Variants in FRY observed in about 807,000 individuals in gnomAD.
The protein encoded by FRY is protein furry homolog.
FRY carries 128 observed loss-of-function variants against 348.4 expected under a neutral mutation model. The observed-to-expected ratio is 0.37, with a 90% CI of 0.32 to 0.43. The LOEUF is 0.43. Ranked by LOEUF, FRY falls within the 20% of genes least tolerant of loss-of-function variation. The pLI is 1.00. For missense variants in FRY, 2,736 were observed against 3,695.2 expected (o/e 0.74, Z 6.73); for synonymous variants, 1,370 against 1,374.7 (o/e 1.00, Z 0.08).
rs146553180 is a variant in FRY at position 32,190,406 on chromosome 13, G to A, written c.3591+2750G>A. On this transcript the variant is annotated intron_variant, in intron 28 of 60. Transcript: ENST00000542859. ...CACAGGTGACACAATTGTGTGTGTA[G>A]GAAATTCCAACAAGTCTTTAGATAA... Among the ~76,000 whole-genome samples the A allele has an allele frequency of 4.6e-3, 695 of 152,094 alleles. 2 individuals carry two copies. Among genetic ancestry groups the A allele is most frequent in the Middle Eastern group, 0.01 (3 of 294 alleles).
chr13:32,290,627 C>T (rs1469595219), intron 59 of FRY, among the ~76,000 whole-genome samples: 1 of 152,108 alleles, frequency 6.6e-6, no homozygotes, highest in African/African-American at 2.4e-5. Context: ...AGGAGTATTT[C>T]AGGTAGATCT....
intron 49 of FRY, 134 bp downstream of exon 49, chr13:32,249,821 T>A: frequency 1.3e-6 from 1 of 757,064 alleles, no homozygotes; most frequent in East Asian, 2.7e-5. Context: ...AGGGATGGGG[T>A]CTTGTGGCAT....
At chr13:32,265,645 G>C in intron 54 of FRY, 29 bp downstream of exon 54, 21 of 1,603,020 alleles carry the variant, frequency 1.3e-5, no homozygotes, top group Non-Finnish European at 1.8e-5. Flanking sequence ...GATGTGAGTG[G>C]TGTGAATGTG....
chr13:32,065,804 G>C (rs1460278069), intron 1 of FRY, among the ~76,000 whole-genome samples: 1 of 151,776 alleles, frequency 6.6e-6, no homozygotes, highest in Non-Finnish European at 1.5e-5. Flanking sequence ...GGGTCTCACT[G>C]TGTTGCCCAG....
intron 16 of FRY, among the ~76,000 whole-genome samples, chr13:32,160,256 T>A (rs541441026): frequency 6.6e-6 from 1 of 152,332 alleles, no homozygotes; most frequent in South Asian, 2.1e-4. Context: ...CTTGTGTCCT[T>A]GGATCACATT....
intron 3 of FRY, among the ~76,000 whole-genome samples, chr13:32,113,857 T>A (rs1184642371): frequency 6.6e-6 from 1 of 152,288 alleles, no homozygotes; most frequent in South Asian, 2.1e-4. Flanking sequence ...AACAGAAAGA[T>A]GGAAAAACAC....
At position 32,131,949 on chromosome 13, in the gene FRY, C is replaced by A. The variant is rs867766425; in HGVS notation, c.885+109C>A. 15 of 849,168 alleles carry A rather than the reference C, an allele frequency of 1.8e-5. No individual in the cohort carries two copies. In the East Asian group the frequency reaches 3.6e-4, roughly 21 times the overall value. 52.6% of individuals were successfully genotyped at this position (849,168 alleles called of 1,614,324 possible). A position where few individuals can be genotyped will look rare whatever the true frequency, so the allele number is the denominator to read the frequency against. ...CCAATTACTTGTCAATACGGAGAAACATTCTACTGTCTAAATAATTCATGA... is the reference window on the plus strand; with the variant it reads ...CCAATTACTTGTCAATACGGAGAAAAATTCTACTGTCTAAATAATTCATGA... On this transcript the variant is annotated intron_variant, in intron 8 of 60. Coordinates refer to ENST00000542859, the MANE Select transcript of FRY (RefSeq NM_023037.3).
chr13:32,120,286 C>G (rs1194148715), intron 4 of FRY, among the ~76,000 whole-genome samples: 3 of 151,970 alleles, frequency 2.0e-5, no homozygotes, highest in Admixed American at 6.6e-5. Context: ...CCAGACTGTT[C>G]CACACCAGAG....
At chr13:32,046,770 T>C (rs1873035665) in intron 1 of FRY, among the ~76,000 whole-genome samples, 1 of 152,362 alleles carries the variant, frequency 6.6e-6, no homozygotes, top group South Asian at 2.1e-4. Context: ...GAAGCCATGA[T>C]GTTTTACTTT....
At chr13:32,173,820 T>C (rs188005419) in intron 19 of FRY, among the ~76,000 whole-genome samples, 2 of 152,366 alleles carry the variant, frequency 1.3e-5, no homozygotes, top group East Asian at 1.9e-4. Context: ...ATTTAGGCTA[T>C]GAATCATTTC....
Position 32,173,650 on chromosome 13 carries a change from A to G in FRY, c.2334+101A>G, listed in dbSNP as rs1882218427. 4 of 871,012 alleles carry G rather than the reference A, an allele frequency of 4.6e-6. No individual in the cohort carries two copies. In the South Asian group the frequency reaches 5.4e-5, roughly 12 times the overall value. 54.0% of individuals were successfully genotyped at this position (871,012 alleles called of 1,614,324 possible). A position where few individuals can be genotyped will look rare whatever the true frequency, so the allele number is the denominator to read the frequency against. Reference sequence around the variant, plus strand: ...ATGCATTACTATTTCAGGTACTTTTATGTTACATGTAGTGTTTCATTCATT... The same window carrying G: ...ATGCATTACTATTTCAGGTACTTTTGTGTTACATGTAGTGTTTCATTCATT... On this transcript the variant is annotated intron_variant, in intron 19 of 60. Transcript: ENST00000542859.
chr13:32,166,710 C>T (rs996400236), intron 17 of FRY, among the ~76,000 whole-genome samples: 1 of 152,182 alleles, frequency 6.6e-6, no homozygotes, highest in African/African-American at 2.4e-5. Context: ...AGGGAGGGAG[C>T]TTTGTCCTCT....
chr13:32,274,081 C>T (rs190812559), intron 55 of FRY, among the ~76,000 whole-genome samples: 7 of 152,266 alleles, frequency 4.6e-5, no homozygotes, highest in South Asian at 2.1e-4. Flanking sequence ...CAAGCATCCA[C>T]GCATTGGGAA....
chr13:32,182,883 G>C, intron 23 of FRY, 94 bp from the exon 24 acceptor site: 1 of 792,408 alleles, frequency 1.3e-6, no homozygotes, highest in Admixed American at 2.0e-5. Context: ...AGTGTAAAAA[G>C]CAAGTGATTT....
At chr13:32,185,194 C>T in intron 26 of FRY, 46 bp downstream of exon 26, 3 of 1,545,362 alleles carry the variant, frequency 1.9e-6, no homozygotes, top group South Asian at 1.1e-5. Context: ...CTTGGAAGCC[C>T]ATTCGTGTTC....
At chr13:32,099,331 T>C (rs989703738) in intron 2 of FRY, among the ~76,000 whole-genome samples, 14 of 151,608 alleles carry the variant, frequency 9.2e-5, no homozygotes, top group African/African-American at 2.4e-4. Context: ...TATATATATA[T>C]ACACACACAC....
chr13:32,227,900 G>T (rs798965), intron 39 of FRY, among the ~76,000 whole-genome samples: 2 of 151,792 alleles, frequency 1.3e-5, no homozygotes, highest in African/African-American at 2.4e-5. Flanking sequence ...TACAGGTGCC[G>T]ACCACCACGC....
At chr13:32,205,853 C>A (rs764525720) in intron 31 of FRY, among the ~76,000 whole-genome samples, 2 of 151,614 alleles carry the variant, frequency 1.3e-5, no homozygotes, top group Non-Finnish European at 2.9e-5. Context: ...GGCAATAGTC[C>A]AAGGAGGAAA....
intron 1 of FRY, among the ~76,000 whole-genome samples, chr13:32,060,605 C>A (rs1042092659): frequency 2.6e-5 from 4 of 152,192 alleles, no homozygotes. Context: ...TTATCACTCA[C>A]CCTGTGTTAT....
Sources: gnomAD v4.1 joint callset for allele counts (sites outside exome capture counted in the v4.1 genomes callset) on GRCh38, gnomAD v4.1.1 for gene constraint, MANE v1.5 for transcripts, NCBI Gene and HGNC (gene_info 2026-07-23, HGNC 2026-07-21) for gene names.